NAV2: variants seen among roughly 807,000 people sequenced by gnomAD.
NAV2 encodes the protein neuron navigator 2.
In NAV2, 54 loss-of-function variants were observed where a neutral mutation model predicts 223.2. The observed-to-expected ratio is 0.24, with a 90% CI of 0.19 to 0.30. NAV2 has a LOEUF of 0.30. NAV2 is among the 10% of genes least tolerant of loss of function. The pLI, the probability that NAV2 is intolerant of heterozygous loss-of-function variation, is 1.00. For missense variants in NAV2, 2,806 were observed against 3,147.5 expected (o/e 0.89, Z 2.60); for synonymous variants, 1,279 against 1,239.3 (o/e 1.03, Z -0.67).
intron 1 of NAV2, among the ~76,000 whole-genome samples, chr11:19,665,834 T>C (rs1044788608): frequency 2.0e-5 from 3 of 152,218 alleles, no homozygotes; most frequent in Non-Finnish European, 2.9e-5. Context: ...GTAAATATGA[T>C]ACTTATGATT....
At chr11:19,978,258 G>A (rs1294455570) in intron 10 of NAV2, among the ~76,000 whole-genome samples, 1 of 152,080 alleles carries the variant, frequency 6.6e-6, no homozygotes, top group African/African-American at 2.4e-5. Flanking sequence ...TCTTTTCCAG[G>A]TCTGTCCAGA....
chr11:19,932,968 T>TG (rs2045524474), intron 6 of NAV2, among the ~76,000 whole-genome samples: 1 of 152,144 alleles, frequency 6.6e-6, no homozygotes, highest in Admixed American at 6.5e-5. Context: ...GTGATGGGGT[T>TG]GGGGGGATGT....
intron 6 of NAV2, among the ~76,000 whole-genome samples, chr11:19,917,115 A>G (rs550112415): frequency 6.6e-6 from 1 of 152,300 alleles, no homozygotes; most frequent in South Asian, 2.1e-4. Context: ...CCCAGCCTAG[A>G]TGCTTCAAGA....
At chr11:19,608,256 ATGT>A (rs2046535541) in intron 1 of NAV2, among the ~76,000 whole-genome samples, 1 of 152,222 alleles carries the variant, frequency 6.6e-6, no homozygotes, top group East Asian at 1.9e-4. Context: ...AAGTGGTAAG[ATGT>A]TGTTCAGACC....
At chr11:19,762,538 T>C (rs986469123) in intron 1 of NAV2, among the ~76,000 whole-genome samples, 2 of 152,162 alleles carry the variant, frequency 1.3e-5, no homozygotes, top group African/African-American at 4.8e-5. Context: ...TAATCTTCTG[T>C]TCTCCTCCAT....
intron 1 of NAV2, among the ~76,000 whole-genome samples, chr11:19,619,543 C>T (rs1483425750): frequency 1.3e-5 from 2 of 152,190 alleles, no homozygotes; most frequent in Non-Finnish European, 2.9e-5. Flanking sequence ...TGTCTGTTGG[C>T]TGCATAAATG....
At chr11:19,875,867 G>A (rs2062805445) in intron 4 of NAV2, among the ~76,000 whole-genome samples, 1 of 152,152 alleles carries the variant, frequency 6.6e-6, no homozygotes, top group Non-Finnish European at 1.5e-5. Context: ...CAGGGGATGA[G>A]CAGAGAGAAT....
intron 37 of NAV2, among the ~76,000 whole-genome samples, chr11:20,115,492 C>T (rs777899997): frequency 1.3e-5 from 2 of 151,736 alleles, no homozygotes; most frequent in Non-Finnish European, 2.9e-5. Context: ...TTTAGCTGGG[C>T]GTGGTGGCAG....
At chr11:19,621,791 C>A (rs183330689) in intron 1 of NAV2, among the ~76,000 whole-genome samples, 1 of 152,094 alleles carries the variant, frequency 6.6e-6, no homozygotes, top group Admixed American at 6.6e-5. Context: ...TTCTTGCCTT[C>A]TGGTAGCTTT....
intron 1 of NAV2, among the ~76,000 whole-genome samples, chr11:19,684,663 C>T (rs73426651): frequency 6.6e-6 from 1 of 152,176 alleles, no homozygotes; most frequent in African/African-American, 2.4e-5. Context: ...AAGGCCCCCC[C>T]ACACTGCAAG....
chr11:19,564,575 A>G (rs2045205757), intron 1 of NAV2, among the ~76,000 whole-genome samples: 1 of 151,896 alleles, frequency 6.6e-6, no homozygotes, highest in Non-Finnish European at 1.5e-5. Context: ...TTGGAGGAGC[A>G]ACTGCGTGAG....
At chr11:19,901,123 A>G (rs2042410717) in intron 6 of NAV2, among the ~76,000 whole-genome samples, 1 of 152,250 alleles carries the variant, frequency 6.6e-6, no homozygotes, top group African/African-American at 2.4e-5. Context: ...CCCAGGCATT[A>G]CAAACTGAGT....
At chr11:19,742,512 G>A (rs1238822682) in intron 1 of NAV2, among the ~76,000 whole-genome samples, 2 of 152,202 alleles carry the variant, frequency 1.3e-5, no homozygotes, top group Admixed American at 1.3e-4. Context: ...GAAGACTCAT[G>A]GACTGCCTGC....
At chr11:19,578,433 T>C (rs930923162) in intron 1 of NAV2, among the ~76,000 whole-genome samples, 2 of 152,180 alleles carry the variant, frequency 1.3e-5, no homozygotes, top group Non-Finnish European at 2.9e-5. Flanking sequence ...ATTGAGCCTC[T>C]AGAAGGGACA....
chr11:19,643,267 A>C (rs965948528), intron 1 of NAV2, among the ~76,000 whole-genome samples: 1 of 150,634 alleles, frequency 6.6e-6, no homozygotes, highest in African/African-American at 2.4e-5. Context: ...TGCACCCATT[A>C]CTCGTCATTT....
At chr11:20,107,579 G>A in intron 35 of NAV2, 85 bp from the exon 36 acceptor site, 2 of 1,066,770 alleles carry the variant, frequency 1.9e-6, no homozygotes, top group Non-Finnish European at 2.9e-6. Context: ...TCCCTCCTGT[G>A]AAGGGTGCTC....
chr11:19,916,778 G>A (rs553619071), intron 6 of NAV2, among the ~76,000 whole-genome samples: 21 of 152,338 alleles, frequency 1.4e-4, no homozygotes, highest in Admixed American at 4.6e-4. Context: ...GAATGAGTAC[G>A]GCTGTGTTCC....
intron 1 of NAV2, among the ~76,000 whole-genome samples, chr11:19,652,651 T>C (rs1298045688): frequency 6.6e-6 from 1 of 152,178 alleles, no homozygotes; most frequent in African/African-American, 2.4e-5. Flanking sequence ...AGCACAAGTG[T>C]CGCTTTATCC....
intron 11 of NAV2, among the ~76,000 whole-genome samples, chr11:20,033,640 C>T (rs1195626656): frequency 1.3e-5 from 2 of 152,204 alleles, no homozygotes; most frequent in African/African-American, 4.8e-5. Flanking sequence ...ACCACCCTCA[C>T]ATTCCCCTGC....
Sources: gnomAD v4.1 joint callset for allele counts (sites outside exome capture counted in the v4.1 genomes callset) on GRCh38, gnomAD v4.1.1 for gene constraint, MANE v1.5 for transcripts, NCBI Gene and HGNC (gene_info 2026-07-23, HGNC 2026-07-21) for gene names.